Variants in TEX10 observed in about 807,000 individuals in gnomAD.
TEX10 encodes the protein testis-expressed protein 10.
In TEX10, 24 loss-of-function variants were observed where a neutral mutation model predicts 104.4. The observed-to-expected ratio is 0.23, with a 90% CI of 0.17 to 0.32. TEX10 has a LOEUF of 0.32. TEX10 is among the 10% of genes least tolerant of loss of function. TEX10 has a pLI of 1.00. For synonymous variants in TEX10, 396 were observed against 393.4 expected, an observed-to-expected ratio of 1.01 and a Z score of -0.08; for missense variants, 921 against 1,083.9, an observed-to-expected ratio of 0.85 and a Z score of 2.11.
At chr9:100,339,931 T>C (rs1188965591) in intron 5 of TEX10, among the ~76,000 whole-genome samples, 3 of 152,170 alleles carry the variant, frequency 2.0e-5, no homozygotes, top group Non-Finnish European at 4.4e-5. Context: ...GATATTCTCT[T>C]GCTTAAGAGG....
chr9:100,302,381 A>T (rs1298639203), intron 14 of TEX10, 77 bp from the exon 15 acceptor site: 2 of 996,666 alleles, frequency 2.0e-6, no homozygotes, highest in Admixed American at 2.0e-5. Context: ...TCACACCCAA[A>T]CACAATTTCC....
rs146987440 is a variant in TEX10, at chr9:100,303,682, G to A, written c.2626C>T (p.His876Tyr). ...ACCAAGATCGCATTGGTCAACATATGAGTCCTGAGGGGTGCATGCTGAAGC... is the reference window on the plus strand; with the variant it reads ...ACCAAGATCGCATTGGTCAACATATAAGTCCTGAGGGGTGCATGCTGAAGC... ...LLLQHAPLRT[H>Y]MLTNAILVQQ... is the part of the protein sequence containing the mutation. Residue 876 changes from histidine (H) to tyrosine (Y), a missense_variant, in exon 14 of 15, where the codon CAT becomes TAT. Physicochemically the swap from His to Tyr is moderately conservative, Grantham distance 83 (BLOSUM62 2). Coordinates refer to ENST00000374902, the MANE Select transcript of TEX10 (RefSeq NM_017746.4). 1.4e-5 allele frequency: 23 copies of A among 1,613,926 alleles called. No individual in the cohort carries two copies. The African/African-American group carries it at 2.8e-4, about 20-fold the overall frequency.
At chr9:100,328,046 T>C (rs1834753506) in intron 7 of TEX10, 84 bp from the exon 8 acceptor site, 1 of 1,137,434 alleles carries the variant, frequency 8.8e-7, no homozygotes, top group South Asian at 3.0e-5. Flanking sequence ...TTTTTTTAAC[T>C]TAAATATATC....
chr9:100,305,691 T>C (rs1418058436), intron 13 of TEX10: 1 of 152,136 alleles, frequency 6.6e-6, no homozygotes, highest in African/African-American at 2.4e-5. Context: ...GAAATTCATA[T>C]AAAGATATCC....
intron 5 of TEX10, among the ~76,000 whole-genome samples, chr9:100,335,750 T>C (rs1247220139): frequency 6.6e-6 from 1 of 151,874 alleles, no homozygotes; most frequent in Non-Finnish European, 1.5e-5. Context: ...TTTTTTGAGA[T>C]AGATGGTGAT....
intron 10 of TEX10, among the ~76,000 whole-genome samples, chr9:100,321,011 A>G (rs1834556788): frequency 6.6e-6 from 1 of 152,168 alleles, no homozygotes; most frequent in Non-Finnish European, 1.5e-5. Flanking sequence ...TTGATGTTCA[A>G]ATCACTATAC....
intron 4 of TEX10, among the ~76,000 whole-genome samples, chr9:100,344,713 G>C (rs544429704): frequency 7.7e-4 from 118 of 152,278 alleles, no homozygotes; most frequent in African/African-American, 2.7e-3. Flanking sequence ...ACGCATGGTG[G>C]CGGGCACCTG....
At chr9:100,313,033 A>G (rs2118842384) in intron 11 of TEX10, among the ~76,000 whole-genome samples, 1 of 152,338 alleles carries the variant, frequency 6.6e-6, no homozygotes, top group East Asian at 1.9e-4. Flanking sequence ...TCATTGGTAT[A>G]CCAACAACAA....
intron 11 of TEX10, among the ~76,000 whole-genome samples, chr9:100,315,357 G>C (rs1019680474): frequency 1.3e-5 from 2 of 152,090 alleles, no homozygotes; most frequent in Non-Finnish European, 2.9e-5. Context: ...GGGTGTTAAA[G>C]CACCCCACTA....
At chr9:100,322,991 A>G (rs980944186) in intron 9 of TEX10, among the ~76,000 whole-genome samples, 1 of 152,192 alleles carries the variant, frequency 6.6e-6, no homozygotes, top group Non-Finnish European at 1.5e-5. Flanking sequence ...CCAGGTGATA[A>G]GCAAAGGTCT....
chr9:100,352,576 C>T, intron 1 of TEX10, 196 bp downstream of exon 1: 2 of 1,522,796 alleles, frequency 1.3e-6, no homozygotes, highest in Non-Finnish European at 1.8e-6. Flanking sequence ...CGCAAACGCC[C>T]TAGGGGGTCC....
rs1367944489 is a variant in TEX10 at position 100,302,237 on chromosome 9, A to G, written c.2744T>C (p.Ile915Thr). The G allele has an allele frequency of 2.2e-5, 36 of 1,613,488 alleles. No individual in the cohort carries two copies. Among genetic ancestry groups the G allele is most frequent in the Non-Finnish European group, 2.9e-5 (34 of 1,179,674 alleles). ...TDLHYCFNVY[I>T]TGHPQGPSAL... ...ACTGGGCCCTTGGGGATGCCCAGTG[A>G]TATACACGTTGAAGCAGTAATGTAA... is the stretch of plus-strand genomic sequence containing the variant. The change falls in exon 15 of 15, where the codon ATC becomes ACC. Residue 915 changes from isoleucine (I) to threonine (T), a missense_variant. Ile to Thr is a moderately conservative substitution (Grantham distance 89). Coordinates refer to ENST00000374902, the MANE Select transcript of TEX10 (RefSeq NM_017746.4).
At chr9:100,303,559 CT>C (rs746365397) in intron 14 of TEX10, 72 bp downstream of exon 14, 152 of 1,530,870 alleles carry the variant, frequency 9.9e-5, no homozygotes, top group Non-Finnish European at 1.3e-4. Flanking sequence ...TCAAAACACA[CT>C]TTCCCCCATG....
At chr9:100,335,628 T>C (rs1834987756) in intron 5 of TEX10, among the ~76,000 whole-genome samples, 1 of 152,162 alleles carries the variant, frequency 6.6e-6, no homozygotes, top group South Asian at 2.1e-4. Context: ...CTAGTATAGT[T>C]TGGTGCCACT....
intron 13 of TEX10, 57 bp from the exon 14 acceptor site, chr9:100,303,899 C>T: frequency 1.3e-6 from 2 of 1,525,370 alleles, no homozygotes; most frequent in Non-Finnish European, 9.0e-7. Context: ...GAAAAGCCCC[C>T]CTTCTATATT....
intron 9 of TEX10, among the ~76,000 whole-genome samples, chr9:100,324,560 A>G (rs1354093009): frequency 6.6e-6 from 1 of 152,246 alleles, no homozygotes; most frequent in Non-Finnish European, 1.5e-5. Flanking sequence ...ATGAGTCTGT[A>G]TTATCAGTAT....
intron 12 of TEX10, 67 bp downstream of exon 12, chr9:100,310,232 G>A: frequency 2.3e-6 from 3 of 1,317,174 alleles, no homozygotes; most frequent in Non-Finnish European, 3.3e-6. Flanking sequence ...CTGGGGCTGT[G>A]GAAAACTCTA....
Position 100,346,684 on chromosome 9 carries a change from T to C in TEX10, c.893+10A>G, listed in dbSNP as rs752177736. 3.1e-6 allele frequency: 5 copies of C among 1,595,652 alleles called. No homozygotes were observed. Among genetic ancestry groups the C allele is most frequent in the Non-Finnish European group, 4.3e-6 (5 of 1,171,190 alleles). On this transcript the variant is annotated intron_variant, in intron 3 of 14. Coordinates refer to ENST00000374902, the MANE Select transcript of TEX10 (RefSeq NM_017746.4). ...CAAAACTGTGTGGACATAACTGAAA[T>C]CCTTCTTACCGTAGCCTGAACTGTG...
intron 7 of TEX10, among the ~76,000 whole-genome samples, chr9:100,328,504 C>T (rs1223898528): frequency 6.6e-6 from 1 of 152,146 alleles, no homozygotes; most frequent in African/African-American, 2.4e-5. Flanking sequence ...CTGCTTCCTT[C>T]TGTAAAATGG....
Sources: allele counts gnomAD v4.1 joint callset (sites outside exome capture counted in the v4.1 genomes callset), GRCh38; gene constraint gnomAD v4.1.1; transcripts MANE v1.5; gene names NCBI Gene and HGNC (gene_info 2026-07-23, HGNC 2026-07-21).